DPAGT1: variants seen among roughly 807,000 people sequenced by gnomAD.
DPAGT1 encodes the protein dolichyl-phosphate N-acetylglucosaminephosphotransferase 1.
DPAGT1 carries 25 observed loss-of-function variants against 39.3 expected under a neutral mutation model. That is an observed-to-expected ratio of 0.64 (90% CI 0.46 to 0.89). DPAGT1 has a LOEUF of 0.89. Ranked by LOEUF, DPAGT1 falls within the 40% of genes least tolerant of loss-of-function variation. DPAGT1 has a pLI of 0.00. For missense variants in DPAGT1, 381 were observed against 500.6 expected (o/e 0.76, Z 2.28); for synonymous variants, 193 against 201.4 (o/e 0.96, Z 0.36).
chr11:119,094,976 G>T (rs1435298550), downstream of DPAGT1: 1 of 1,611,756 alleles, frequency 6.2e-7, no homozygotes, highest in South Asian at 1.1e-5. Flanking sequence ...GTACTCCTGG[G>T]AGGCCTGGGT....
chr11:119,101,836 T>C lies in DPAGT1; in HGVS notation c.-181A>G. On this transcript the variant is annotated 5_prime_UTR_variant, in exon 1 of 9. Coordinates refer to ENST00000354202, the MANE Select transcript of DPAGT1 (RefSeq NM_001382.4). ...CCGTCGGGACACCGGGGAACCTCTC[T>C]AAGGCAACCTATGTTCTGCCCCGCT... 1 of 1,477,518 alleles carries C rather than the reference T, an allele frequency of 6.8e-7. No individual in the cohort carries two copies. The highest frequency in any genetic ancestry group is 1.4e-5 in the African/African-American group (1 of 71,732). 91.5% of individuals were successfully genotyped at this position (1,477,518 alleles called of 1,614,324 possible). A position where few individuals can be genotyped will look rare whatever the true frequency, so the allele number is the denominator to read the frequency against.
chr11:119,096,857 G>C lies in DPAGT1; in HGVS notation c.*141C>G. 9.8e-7 allele frequency: 1 copy of C among 1,016,938 alleles called. No individual in the cohort carries two copies. Among genetic ancestry groups the C allele is most frequent in the South Asian group, 1.4e-5 (1 of 71,852 alleles). The allele number at this position is 1,016,938 out of a possible 1,614,324, so 63.0% of individuals were successfully genotyped here. ...CAGGATGCCAATGATCACAGAGAAA[G>C]GAAAATGCTGAGAACAAAATCTGGA... is the stretch of plus-strand genomic sequence containing the variant. On this transcript the variant is annotated 3_prime_UTR_variant, in exon 9 of 9. Transcript: ENST00000354202.
At chr11:119,098,616 A>C in intron 4 of DPAGT1, 129 bp from the exon 5 acceptor site, 11 of 869,858 alleles carry the variant, frequency 1.3e-5, no homozygotes, top group African/African-American at 1.7e-5. Context: ...TTAAGAACTC[A>C]ATACTCCTTT....
Position 119,097,021 on chromosome 11 carries a change from C to T in DPAGT1, c.1204G>A (p.Val402Ile), listed in dbSNP as rs779911586. 9.9e-6 allele frequency: 16 copies of T among 1,613,968 alleles called. No individual in the cohort carries two copies. The highest frequency in any genetic ancestry group is 1.7e-5 in the Admixed American group (1 of 59,994). ...AITFSIRYQL[V>I]RLFYDV The stretch of plus-strand genomic sequence containing the variant: ...ACTCAGACATCATAGAAGAGTCGAA[C>T]GAGCTGATATCGAATGGAGAAGGTG... Residue 402 changes from valine to isoleucine, a missense_variant, in exon 9 of 9, where the codon GTT (valine) becomes ATT (isoleucine). Transcript: ENST00000354202. This position sits in a 1 kb window ranked among gnomAD's most constrained non-coding sequence, Gnocchi z 4.6.
chr11:119,101,520 G>A lies in DPAGT1; in HGVS notation c.136C>T (p.Leu46Phe). 1.9e-6 allele frequency: 3 copies of A among 1,614,158 alleles called. No individual in the cohort carries two copies. The highest frequency in any genetic ancestry group is 2.5e-6 in the Non-Finnish European group (3 of 1,180,000). The change falls in exon 1 of 9, where the codon CTC becomes TTC. Residue 46 changes from leucine (L) to phenylalanine (F), a missense_variant. Coordinates refer to ENST00000354202, the MANE Select transcript of DPAGT1 (RefSeq NM_001382.4). ...FIAARLCGQDLNKTSRQQIPE... is the reference protein window; with the variant it reads ...FIAARLCGQDFNKTSRQQIPE... ...ATCTGCTGTCGGCTGGTTTTGTTGA[G>A]GTCCTGACCACAGAGGCGCGCAGCA...
Position 119,096,756 on chromosome 11 carries a change from G to A in DPAGT1, c.*242C>T. 1.7e-6 allele frequency: 1 copy of A among 585,658 alleles called. No individual in the cohort carries two copies. Among genetic ancestry groups the A allele is most frequent in the Non-Finnish European group, 3.0e-6 (1 of 329,820 alleles). The allele number at this position is 585,658 out of a possible 1,614,324, so 36.3% of individuals were successfully genotyped here. On this transcript the variant is annotated 3_prime_UTR_variant, in exon 9 of 9. Transcript: ENST00000354202. ...CCTATGAGGCTGCAAAGATGGGATG[G>A]AGAGGGAGAGAGTAGCAAGTTGCAG...
downstream of DPAGT1, chr11:119,095,329 G>C: frequency 1.2e-6 from 2 of 1,603,812 alleles, no homozygotes; most frequent in Non-Finnish European, 1.7e-6. Context: ...ACTGGAGGCC[G>C]GCGCGCGACG....
chr11:119,097,964 G>A lies in DPAGT1; in HGVS notation c.808C>T (p.His270Tyr). ...AATAGTAGCATGGTCTTGCTGAAGT[G>A]TCCCAAGATGCCCACCACGGCAAAG... ...MTFAVVGILGHFSKTMLLFFM... is the reference protein window; with the variant it reads ...MTFAVVGILGYFSKTMLLFFM... Residue 270 changes from histidine (H) to tyrosine (Y), a missense_variant, in exon 6 of 9, where the codon CAC becomes TAC. His to Tyr is a moderately conservative substitution (Grantham distance 83, BLOSUM62 2). Transcript: ENST00000354202. The surrounding 1 kb of genome is among the most constrained non-coding windows in gnomAD (Gnocchi z 4.6). The A allele has an allele frequency of 6.2e-7, 1 of 1,614,186 alleles. No individual in the cohort carries two copies. Among genetic ancestry groups the A allele is most frequent in the Non-Finnish European group, 8.5e-7 (1 of 1,180,034 alleles).
At chr11:119,094,898 G>T (rs1462025514), downstream of DPAGT1, 5 of 1,455,168 alleles carry the variant, frequency 3.4e-6, no homozygotes, top group South Asian at 1.3e-5. Context: ...GGGCGGTGGT[G>T]GCCCTTAAAA....
rs896612042 is a variant in DPAGT1 at position 119,097,017 on chromosome 11, C to T, written c.1208G>A (p.Arg403Gln). 73 of 1,613,988 alleles carry T rather than the reference C, an allele frequency of 4.5e-5. 1 individual carries two copies. The highest frequency in any genetic ancestry group is 5.8e-5 in the Non-Finnish European group (69 of 1,180,036). ...AGGGACTCAGACATCATAGAAGAGTCGAACGAGCTGATATCGAATGGAGAA... is the reference window on the plus strand; with the variant it reads ...AGGGACTCAGACATCATAGAAGAGTTGAACGAGCTGATATCGAATGGAGAA... ...ITFSIRYQLV[R>Q]LFYDV The change falls in exon 9 of 9, where the codon CGA becomes CAA. Residue 403 changes from arginine to glutamine, a missense_variant. Transcript: ENST00000354202. This position sits in a 1 kb window ranked among gnomAD's most constrained non-coding sequence, Gnocchi z 4.6.
In DPAGT1 at chr11:119,101,622, G is replaced by A. The variant is rs200991527; in HGVS notation, c.34C>T (p.Leu12=). ...AGCAGCGAGACGATCAAATTGATCA[G>A]CAGCGGCATGGGCAATTCCGAGAAG... ...WAFSELPMPL[L]INLIVSLLGF... Residue 12 remains leucine, a synonymous_variant, in exon 1 of 9, where the codon CTG becomes TTG. Transcript: ENST00000354202. The A allele has an allele frequency of 2.0e-5, 33 of 1,614,162 alleles. No individual in the cohort carries two copies. Among genetic ancestry groups the A allele is most frequent in the African/African-American group, 4.0e-5 (3 of 74,960 alleles).
Position 119,100,687 on chromosome 11 carries a change from T to C in DPAGT1, c.439A>G (p.Thr147Ala). The change falls in exon 3 of 9, where the codon ACG (threonine) becomes GCG (alanine). Residue 147 changes from threonine (T) to alanine (A), a missense_variant. Physicochemically the swap from Thr to Ala is moderately conservative, Grantham distance 58. Coordinates refer to ENST00000354202, the MANE Select transcript of DPAGT1 (RefSeq NM_001382.4). The stretch of plus-strand genomic sequence containing the variant: ...AAGGGCTTGGGCACCACAATGGTCG[T>C]GTTGCCAAAGTTGGTGAAATAGACC... ...LMVYFTNFGN[T>A]TIVVPKPFRP... The C allele has an allele frequency of 6.2e-7, 1 of 1,614,120 alleles. No homozygotes were observed. Among genetic ancestry groups the C allele is most frequent in the Non-Finnish European group, 8.5e-7 (1 of 1,180,012 alleles).
downstream of DPAGT1, chr11:119,094,847 C>G: frequency 8.8e-7 from 1 of 1,135,402 alleles, no homozygotes; most frequent in Non-Finnish European, 1.2e-6. Flanking sequence ...AGCCGCGGCC[C>G]GCTTGCCCCG....
Position 119,100,730 on chromosome 11 carries a change from G to C in DPAGT1, c.396C>G (p.Ala132=), listed in dbSNP as rs1474730930. ...WRHKLLLPTA[A]SLPLLMVYFT... is the part of the protein sequence containing the mutation. ...AATAGACCATGAGGAGAGGTAGTGA[G>C]GCAGCTGTAGGTAGCAGCAGCTTAT... is the stretch of plus-strand genomic sequence containing the variant. The change falls in exon 3 of 9, where the codon GCC becomes GCG. Residue 132 remains alanine (A), a synonymous_variant. Coordinates refer to ENST00000354202, the MANE Select transcript of DPAGT1 (RefSeq NM_001382.4). 4 of 1,614,050 alleles carry C rather than the reference G, an allele frequency of 2.5e-6. No individual in the cohort carries two copies. The highest frequency in any genetic ancestry group is 3.4e-6 in the Non-Finnish European group (4 of 1,180,040).
At chr11:119,095,189 T>C, downstream of DPAGT1, 2 of 1,613,962 alleles carry the variant, frequency 1.2e-6, no homozygotes, top group Non-Finnish European at 1.7e-6. Context: ...GCGGGCCGCA[T>C]TGCCCGCCAG....
Position 119,101,136 on chromosome 11 carries a change from G to A in DPAGT1, c.164C>T (p.Pro55Leu). 5 of 1,614,052 alleles carry A rather than the reference G, an allele frequency of 3.1e-6. No individual in the cohort carries two copies. The highest frequency in any genetic ancestry group is 4.2e-6 in the Non-Finnish European group (5 of 1,180,038). ...DLNKTSRQQI[P>L]ESQGVISGAV... ...ACCGCTGATCACTCCCTGGGATTCT[G>A]GGCTGTGGCCCAGCAGCAAGGGGGC... is the stretch of plus-strand genomic sequence containing the variant. Residue 55 changes from proline to leucine, a missense_variant and splice_region_variant, in exon 2 of 9, where the codon CCA becomes CTA. Pro to Leu is a moderately conservative substitution (Grantham distance 98, BLOSUM62 -3). Coordinates refer to ENST00000354202, the MANE Select transcript of DPAGT1 (RefSeq NM_001382.4).
At chr11:119,100,587 C>T in intron 3 of DPAGT1, 43 bp downstream of exon 3, 3 of 1,612,058 alleles carry the variant, frequency 1.9e-6, no homozygotes, top group Non-Finnish European at 2.5e-6. Context: ...GAAGGGTTCC[C>T]TGAAGTAGGT....
At chr11:119,095,441 A>T (rs1312618318), downstream of DPAGT1, 2 of 1,453,912 alleles carry the variant, frequency 1.4e-6, no homozygotes, top group Non-Finnish European at 9.0e-7. Flanking sequence ...ACACTAGAAC[A>T]GACGCCCGCC....
intron 4 of DPAGT1, 130 bp downstream of exon 4, chr11:119,100,132 G>T: frequency 7.0e-7 from 1 of 1,424,202 alleles, no homozygotes. Context: ...TATTTGCAAA[G>T]TAAGTAGCTT....
Sources: allele counts gnomAD v4.1 joint callset, GRCh38; gene constraint gnomAD v4.1.1; non-coding constraint Gnocchi (gnomAD v3.1); transcripts MANE v1.5; gene names NCBI Gene and HGNC (gene_info 2026-07-23, HGNC 2026-07-21).